Variants in IPO7 observed in about 807,000 individuals in gnomAD.
IPO7 encodes the protein importin-7.
A neutral mutation model predicts 136.4 loss-of-function variants in IPO7; 13 were observed. The observed-to-expected ratio is 0.10, with a 90% CI of 0.06 to 0.15. IPO7 has a LOEUF of 0.15. IPO7 is among the 10% of genes least tolerant of loss of function. IPO7 has a pLI of 1.00. For synonymous variants in IPO7, 403 were observed against 404.4 expected, an observed-to-expected ratio of 1.00 and a Z score of 0.04; for missense variants, 857 against 1,240.6, an observed-to-expected ratio of 0.69 and a Z score of 4.65.
chr11:9,437,683 A>T, intron 20 of IPO7, 71 bp from the exon 21 acceptor site: 6 of 1,123,558 alleles, frequency 5.3e-6, no homozygotes, highest in Non-Finnish European at 7.8e-6. Context: ...GCAACAAAGA[A>T]GTTAATATTT....
intron 16 of IPO7, among the ~76,000 whole-genome samples, chr11:9,431,894 GAACCCGAGAGGCAGACGCTGCA>G (rs1855299235): frequency 6.6e-6 from 1 of 152,070 alleles, no homozygotes; most frequent in East Asian, 1.9e-4. Context: ...AGAATCACTT[GAACCCGAGAGGCAGACGCTGCA>G]GTGAGCATAG....
At chr11:9,396,224 C>G (rs776514210) in intron 1 of IPO7, among the ~76,000 whole-genome samples, 1 of 151,724 alleles carries the variant, frequency 6.6e-6, no homozygotes, top group Non-Finnish European at 1.5e-5. Flanking sequence ...GGTGAAAACG[C>G]CTCTACTAAA....
chr11:9,429,747 T>C lies in IPO7; in HGVS notation c.1665T>C (p.Asn555=), dbSNP rs1447861081. Reference sequence around the variant, plus strand: ...TTCACATTATAAGAGAAACAGAAAATGATGACCTTACCAATGTAATTCAGA... The same window carrying C: ...TTCACATTATAAGAGAAACAGAAAACGATGACCTTACCAATGTAATTCAGA... ...ALLHIIRETE[N]DDLTNVIQKM... is the part of the protein sequence containing the mutation. Residue 555 remains asparagine (N), a synonymous_variant, in exon 15 of 25, where the codon AAT becomes AAC. Coordinates refer to ENST00000379719, the MANE Select transcript of IPO7 (RefSeq NM_006391.3). 1.2e-6 allele frequency: 2 copies of C among 1,605,530 alleles called. No individual in the cohort carries two copies. The highest frequency in any genetic ancestry group is 3.4e-5 in the Admixed American group (2 of 59,666).
intron 20 of IPO7, among the ~76,000 whole-genome samples, chr11:9,437,376 T>A (rs1381908439): frequency 1.4e-5 from 2 of 143,322 alleles, no homozygotes; most frequent in Non-Finnish European, 3.1e-5. Context: ...TTCCTCAGCC[T>A]CCCAAGTAGC....
At chr11:9,413,102 T>C (rs1854991021) in intron 4 of IPO7, among the ~76,000 whole-genome samples, 1 of 152,184 alleles carries the variant, frequency 6.6e-6, no homozygotes, top group African/African-American at 2.4e-5. Flanking sequence ...ATGGTCTTGA[T>C]CTCCTGACCT....
At chr11:9,388,572 G>A (rs568949393) in intron 1 of IPO7, among the ~76,000 whole-genome samples, 5 of 152,044 alleles carry the variant, frequency 3.3e-5, no homozygotes, top group African/African-American at 4.8e-5. Context: ...TCTCCCTCTC[G>A]GGCTCAAGCA....
intron 5 of IPO7, among the ~76,000 whole-genome samples, chr11:9,415,971 A>G (rs1855037378): frequency 6.6e-6 from 1 of 152,214 alleles, no homozygotes; most frequent in African/African-American, 2.4e-5. Context: ...CCATAGAAGG[A>G]TTTATCTCAT....
At chr11:9,393,538 G>A (rs940491914) in intron 1 of IPO7, among the ~76,000 whole-genome samples, 4 of 151,924 alleles carry the variant, frequency 2.6e-5, no homozygotes, top group Non-Finnish European at 4.4e-5. Context: ...CCACCACCAC[G>A]TCCGGCTAAT....
At position 9,440,723 on chromosome 11, in the gene IPO7, G is replaced by C. The variant is rs1205576673; in HGVS notation, c.2902+62G>C. 4 of 1,295,504 alleles carry C rather than the reference G, an allele frequency of 3.1e-6. No homozygotes were observed. The Admixed American group carries it at 6.7e-5, about 22-fold the overall frequency. 80.3% of individuals were successfully genotyped at this position (1,295,504 alleles called of 1,614,324 possible). A position where few individuals can be genotyped will look rare whatever the true frequency, so the allele number is the denominator to read the frequency against. On this transcript the variant is annotated intron_variant, in intron 23 of 24. Coordinates refer to ENST00000379719, the MANE Select transcript of IPO7 (RefSeq NM_006391.3). ...AACAAATCTGTTGTAGTTTCTGCCT[G>C]CCCTTTAAAGGAAGAGTTTGGAGGA...
At position 9,409,980 on chromosome 11, in the gene IPO7, C is replaced by T. The variant is rs769302298; in HGVS notation, c.373C>T (p.Arg125Cys). 102 of 1,606,224 alleles carry T rather than the reference C, an allele frequency of 6.4e-5. 1 individual carries two copies. The South Asian group carries it at 7.2e-4, about 11-fold the overall frequency. ...HHIIKHDYPSRWTAIVDKIGF... is the reference protein window; with the variant it reads ...HHIIKHDYPSCWTAIVDKIGF... Reference sequence around the variant, plus strand: ...CATCATCAAACATGATTATCCAAGCCGCTGGACTGCCATTGTGGACAAAAT... The same window carrying T: ...CATCATCAAACATGATTATCCAAGCTGCTGGACTGCCATTGTGGACAAAAT... The change falls in exon 4 of 25, where the codon CGC becomes TGC. Residue 125 changes from arginine (R) to cysteine (C), a missense_variant. Transcript: ENST00000379719.
intron 18 of IPO7, among the ~76,000 whole-genome samples, chr11:9,434,585 C>T (rs554414825): frequency 2.0e-4 from 30 of 152,222 alleles, no homozygotes; most frequent in Non-Finnish European, 3.8e-4. Flanking sequence ...CACTTCAGTC[C>T]GGGAGTTCTC....
In IPO7 at chr11:9,437,319, G is replaced by T. The variant is rs902018521; in HGVS notation, c.2269-435G>T. Among the ~76,000 whole-genome samples, 25 of 131,676 alleles carry T rather than the reference G, an allele frequency of 1.9e-4. 1 individual carries two copies. The highest frequency in any genetic ancestry group is 6.2e-4 in the African/African-American group (25 of 40,064). 86.4% of individuals were successfully genotyped at this position (131,676 alleles called of 152,430 possible). ...GTCGCTCAGGCTGGAGTGCAGTGGC[G>T]CGATCTCAGCTCACTGCCTCTGCCT... is the stretch of plus-strand genomic sequence containing the variant. On this transcript the variant is annotated intron_variant, in intron 20 of 24. Transcript: ENST00000379719.
At chr11:9,440,781 C>A in intron 23 of IPO7, 120 bp downstream of exon 23, 1 of 686,080 alleles carries the variant, frequency 1.5e-6, no homozygotes, top group Non-Finnish European at 2.5e-6. Flanking sequence ...GCTGGTTAGG[C>A]AAAGTAACCA....
At chr11:9,387,873 C>T (rs1028863174) in intron 1 of IPO7, among the ~76,000 whole-genome samples, 2 of 150,784 alleles carry the variant, frequency 1.3e-5, no homozygotes, top group African/African-American at 2.4e-5. Flanking sequence ...ATTGGCTGGG[C>T]ATGGTGGCTC....
At chr11:9,422,400 A>G (rs1255124521) in intron 8 of IPO7, among the ~76,000 whole-genome samples, 1 of 151,872 alleles carries the variant, frequency 6.6e-6, no homozygotes, top group African/African-American at 2.4e-5. Context: ...TACTCAAAAC[A>G]CAGTTTTGTT....
chr11:9,424,548 A>G (rs1340419882), intron 10 of IPO7, among the ~76,000 whole-genome samples: 1 of 152,210 alleles, frequency 6.6e-6, no homozygotes. Flanking sequence ...GTTTGAGACC[A>G]GCCTGACCAA....
At chr11:9,437,043 C>A (rs1014473736) in intron 20 of IPO7, among the ~76,000 whole-genome samples, 3 of 149,312 alleles carry the variant, frequency 2.0e-5, no homozygotes, top group Non-Finnish European at 4.4e-5. Flanking sequence ...TGCCACCACA[C>A]CTGGCTAATT....
At position 9,420,655 on chromosome 11, in the gene IPO7, T is replaced by A. The variant is rs767088604; in HGVS notation, c.863T>A (p.Phe288Tyr). The A allele has an allele frequency of 1.9e-6, 3 of 1,613,668 alleles. No homozygotes were observed. The highest frequency in any genetic ancestry group is 8.5e-7 in the Non-Finnish European group (1 of 1,179,664). ...AATGTTTCCAAGGAGTATAATGAAT[T>A]TGCTGAAGTATTTCTGAAGGCATTT... ...PGNVSKEYNE[F>Y]AEVFLKAFAV... Residue 288 changes from phenylalanine to tyrosine, a missense_variant, in exon 8 of 25, where the codon TTT (phenylalanine) becomes TAT (tyrosine). Phe to Tyr is a conservative substitution (Grantham distance 22). This residue lies in a region of IPO7 where 287 missense variants were observed against 307.5 expected (regional missense o/e 0.93). Transcript: ENST00000379719.
In IPO7 at chr11:9,433,620, A is replaced by T; in HGVS notation, c.1932A>T (p.Leu644Phe). Residue 644 changes from leucine to phenylalanine, a missense_variant, in exon 17 of 25, where the codon TTA (leucine) becomes TTT (phenylalanine). Physicochemically the swap from Leu to Phe is conservative, Grantham distance 22. Coordinates refer to ENST00000379719, the MANE Select transcript of IPO7 (RefSeq NM_006391.3). ...GICLQVIGTV[L>F]QQHVLEFYEE... ...GCTTACAGGTCATTGGTACTGTTTTACAACAGCATGTCTTAGGTATTATAC... is the reference window on the plus strand; with the variant it reads ...GCTTACAGGTCATTGGTACTGTTTTTCAACAGCATGTCTTAGGTATTATAC... The T allele has an allele frequency of 6.2e-7, 1 of 1,612,938 alleles. No individual in the cohort carries two copies. The highest frequency in any genetic ancestry group is 8.5e-7 in the Non-Finnish European group (1 of 1,179,868).
Sources: gnomAD v4.1 joint callset for allele counts (sites outside exome capture counted in the v4.1 genomes callset) on GRCh38, gnomAD v4.1.1 for gene constraint, gnomAD v4.1.1 regional missense constraint, MANE v1.5 for transcripts, NCBI Gene and HGNC (gene_info 2026-07-23, HGNC 2026-07-21) for gene names.